SAMD8: variants seen among roughly 807,000 people sequenced by gnomAD.
SAMD8 encodes sterile alpha motif domain containing 8, also known as sphingomyelin synthase-related protein 1.
Under a neutral mutation model 42.0 loss-of-function variants are expected in SAMD8, and 20 were observed. The observed-to-expected ratio is 0.48, with a 90% CI of 0.34 to 0.69. The LOEUF (loss-of-function observed/expected upper bound fraction) is 0.69, where lower values mean the gene tolerates loss of function less well. Ranked by LOEUF, SAMD8 falls within the 30% of genes least tolerant of loss-of-function variation. The pLI is 0.01. For missense variants in SAMD8, 328 were observed against 511.6 expected, an observed-to-expected ratio of 0.64 and a Z score of 3.46; for synonymous variants, 162 against 173.0, an observed-to-expected ratio of 0.94 and a Z score of 0.50.
At chr10:75,109,745 A>G (rs1848718242), upstream of SAMD8, among the ~76,000 whole-genome samples, 1 of 152,122 alleles carries the variant, frequency 6.6e-6, no homozygotes, top group Non-Finnish European at 1.5e-5. Context: ...TCAGAGAAAT[A>G]TGGGTAAGAG....
At chr10:75,112,641 T>TC (rs1848799762) in intron 1 of SAMD8, among the ~76,000 whole-genome samples, 1 of 152,248 alleles carries the variant, frequency 6.6e-6, no homozygotes, top group Non-Finnish European at 1.5e-5. Flanking sequence ...GTCCTTTTTT[T>TC]CATTGTAATT....
intron 1 of SAMD8, among the ~76,000 whole-genome samples, chr10:75,145,890 C>T (rs1044216133): frequency 6.6e-6 from 1 of 152,144 alleles, no homozygotes; most frequent in African/African-American, 2.4e-5. Flanking sequence ...TTCAATCTGG[C>T]TCTTTGGAAT....
In SAMD8 at chr10:75,151,083, A is replaced by C; in HGVS notation, c.555A>C (p.Pro185=). The C allele has an allele frequency of 6.6e-7, 1 of 1,512,080 alleles. No individual in the cohort carries two copies. Among genetic ancestry groups the C allele is most frequent in the South Asian group, 1.4e-5 (1 of 73,154 alleles). The allele number at this position is 1,512,080 out of a possible 1,614,324, so 93.7% of individuals were successfully genotyped here. Residue 185 remains proline, a synonymous_variant, in exon 2 of 6, where the codon CCA becomes CCC. Coordinates refer to ENST00000542569, the MANE Select transcript of SAMD8 (RefSeq NM_001174156.2). ...TGCCTGACATGCAGACCTATCCACC[A>C]CTCCCAGATATATTCTTAGACAGGT... The part of the protein sequence containing the change: ...ERVPDMQTYP[P]LPDIFLDSVP...
intron 1 of SAMD8, among the ~76,000 whole-genome samples, chr10:75,116,367 A>G (rs868339713): frequency 3.9e-5 from 6 of 152,264 alleles, no homozygotes; most frequent in Admixed American, 1.3e-4. Context: ...CAGCCTCCCA[A>G]AGTGCTAGGA....
At chr10:75,164,850 A>G in intron 3 of SAMD8, 110 bp downstream of exon 3, 1 of 778,784 alleles carries the variant, frequency 1.3e-6, no homozygotes, top group East Asian at 2.5e-5. Flanking sequence ...TTCTCTGGTC[A>G]TTGTGACATA....
intron 2 of SAMD8, among the ~76,000 whole-genome samples, chr10:75,153,924 C>T (rs968915582): frequency 1.3e-5 from 2 of 151,964 alleles, no homozygotes; most frequent in African/African-American, 4.8e-5. Context: ...GCCACCATGC[C>T]CAGCTAATTT....
rs565012385 is a variant in SAMD8, at chr10:75,145,812, A to G, written c.-15-4702A>G. On this transcript the variant is annotated intron_variant, in intron 1 of 5. Transcript: ENST00000542569. ...AGTTGAGAGTTGCTGCCTTAGGGTT[A>G]GTTTTGCCTTACTACTATGGCAAGA... 1.6e-4 allele frequency among the ~76,000 whole-genome samples: 24 copies of G among 152,324 alleles called. 1 individual carries two copies. The South Asian group carries it at 4.8e-3, about 30-fold the overall frequency.
At chr10:75,124,256 T>A (rs1034655641) in intron 1 of SAMD8, among the ~76,000 whole-genome samples, 4 of 151,946 alleles carry the variant, frequency 2.6e-5, no homozygotes, top group African/African-American at 9.7e-5. Context: ...GTCCATAGAG[T>A]AATAGGAAAA....
chr10:75,105,718 T>G (rs763993036), intron 1 of SAMD8: 2 of 1,553,792 alleles, frequency 1.3e-6, no homozygotes, highest in Non-Finnish European at 1.7e-6. Flanking sequence ...GCAGAGCTGG[T>G]GCAGGAAGCC....
At chr10:75,173,691 A>G (rs1261638510) in intron 4 of SAMD8, among the ~76,000 whole-genome samples, 1 of 152,186 alleles carries the variant, frequency 6.6e-6, no homozygotes, top group Non-Finnish European at 1.5e-5. Flanking sequence ...TTTCTCTCTA[A>G]TAATAAATTC....
intron 4 of SAMD8, among the ~76,000 whole-genome samples, chr10:75,173,853 G>T (rs1400478205): frequency 6.6e-6 from 1 of 152,096 alleles, no homozygotes. Flanking sequence ...CTTTGGAATT[G>T]GGTTCCCTGG....
Position 75,167,430 on chromosome 10 carries a change from G to A in SAMD8, c.675-1111G>A, listed in dbSNP as rs1420531091. 3.9e-5 allele frequency among the ~76,000 whole-genome samples: 6 copies of A among 151,990 alleles called. No individual in the cohort carries two copies. In the East Asian group the frequency reaches 9.7e-4, roughly 24 times the overall value. On this transcript the variant is annotated intron_variant, in intron 3 of 5. Transcript: ENST00000542569. ...CTGACTAATTTTTTATAGACAAGAT[G>A]TTACTGTGTTGCCCAGGCTGGTCTC...
At chr10:75,167,283 G>T (rs1440575428) in intron 3 of SAMD8, among the ~76,000 whole-genome samples, 1 of 152,054 alleles carries the variant, frequency 6.6e-6, no homozygotes, top group Non-Finnish European at 1.5e-5. Flanking sequence ...TTGAGATAGG[G>T]TCTTGCCCTG....
Position 75,180,133 on chromosome 10 carries a change from G to A in SAMD8, c.*3441G>A, listed in dbSNP as rs1182187382. On this transcript the variant is annotated 3_prime_UTR_variant, in exon 6 of 6. Transcript: ENST00000542569. Reference sequence around the variant, plus strand: ...GTTTGCTGTTATCACAAAATAATTTGGGGGAAACCTTTCGTGGCTGTGCTG... The same window carrying A: ...GTTTGCTGTTATCACAAAATAATTTAGGGGAAACCTTTCGTGGCTGTGCTG... 2.6e-5 allele frequency: 4 copies of A among 151,998 alleles called. No individual in the cohort carries two copies. Among genetic ancestry groups the A allele is most frequent in the African/African-American group, 9.7e-5 (4 of 41,356 alleles). The allele number at this position is 151,998 out of a possible 1,614,324, so 9.4% of individuals were successfully genotyped here. A position where few individuals can be genotyped will look rare whatever the true frequency, so the allele number is the denominator to read the frequency against.
At chr10:75,106,891 C>T (rs1198133624), upstream of SAMD8, among the ~76,000 whole-genome samples, 1 of 152,230 alleles carries the variant, frequency 6.6e-6, no homozygotes, top group Admixed American at 6.5e-5. Flanking sequence ...GATGAGGAAA[C>T]TGAAGTCCAG....
chr10:75,159,436 T>C (rs1239920533), intron 2 of SAMD8, among the ~76,000 whole-genome samples: 2 of 152,204 alleles, frequency 1.3e-5, no homozygotes, highest in African/African-American at 2.4e-5. Context: ...TGCCACTCAC[T>C]AAAACTCCAT....
intron 1 of SAMD8, among the ~76,000 whole-genome samples, chr10:75,141,649 C>G (rs892524997): frequency 3.3e-5 from 5 of 151,208 alleles, no homozygotes; most frequent in Non-Finnish European, 7.4e-5. Flanking sequence ...TCACGCCATT[C>G]TCCTGCCTCA....
chr10:75,108,322 C>T, upstream of SAMD8: 1 of 1,462,922 alleles, frequency 6.8e-7, no homozygotes, highest in Non-Finnish European at 9.0e-7. Flanking sequence ...AAAGAGAGTC[C>T]AACCCCAGCA....
intron 1 of SAMD8, among the ~76,000 whole-genome samples, chr10:75,137,015 A>G (rs7095764): frequency 6.6e-5 from 10 of 152,040 alleles, no homozygotes; most frequent in Non-Finnish European, 1.5e-4. Context: ...GGAAAATGAT[A>G]TGGTGACTCC....
Sources: allele counts gnomAD v4.1 joint callset (sites outside exome capture counted in the v4.1 genomes callset), GRCh38; gene constraint gnomAD v4.1.1; transcripts MANE v1.5; gene names NCBI Gene and HGNC (gene_info 2026-07-23, HGNC 2026-07-21).